Variants in SYCP1 observed in about 807,000 individuals in gnomAD.
SYCP1 encodes cancer/testis antigen 8.
A neutral mutation model predicts 153.1 loss-of-function variants in SYCP1; 64 were observed. The ratio of observed to expected loss-of-function variants is 0.42; its 90% CI spans 0.34 to 0.51. The LOEUF is 0.51. SYCP1 is among the 20% of genes least tolerant of loss of function. The probability of loss-of-function intolerance (pLI) is 0.06; values close to 1 mark genes in which losing one functional copy is unlikely to be tolerated. For synonymous variants in SYCP1, 384 were observed against 341.8 expected (o/e 1.12, Z -1.36); for missense variants, 997 against 1,049.0 (o/e 0.95, Z 0.68).
intron 27 of SYCP1, among the ~76,000 whole-genome samples, chr1:114,964,090 C>A (rs1671951329): frequency 6.6e-6 from 1 of 152,062 alleles, no homozygotes; most frequent in Non-Finnish European, 1.5e-5. Flanking sequence ...ATGATATCTT[C>A]TTGTGGTTTT....
intron 27 of SYCP1, among the ~76,000 whole-genome samples, chr1:114,973,323 G>T (rs554292399): frequency 1.3e-5 from 2 of 152,028 alleles, no homozygotes; most frequent in African/African-American, 4.8e-5. Flanking sequence ...TTATGGTTGT[G>T]GTTGTGCTTC....
chr1:114,857,413 T>G, intron 4 of SYCP1, 31 bp from the exon 5 acceptor site: 1 of 1,570,268 alleles, frequency 6.4e-7, no homozygotes, highest in Non-Finnish European at 8.7e-7. Flanking sequence ...TTATCAGAAG[T>G]ATTTTCTTAT....
At chr1:114,970,078 C>G (rs1672381831) in intron 27 of SYCP1, among the ~76,000 whole-genome samples, 1 of 152,204 alleles carries the variant, frequency 6.6e-6, no homozygotes, top group Non-Finnish European at 1.5e-5. Flanking sequence ...CAGACCAGAT[C>G]TGTTCTATTT....
At chr1:114,891,522 G>A (rs567602678) in intron 15 of SYCP1, among the ~76,000 whole-genome samples, 1 of 152,190 alleles carries the variant, frequency 6.6e-6, no homozygotes, top group Admixed American at 6.5e-5. Context: ...CATACCAAGT[G>A]AGTTGAAGTC....
At chr1:114,977,766 T>A in intron 28 of SYCP1, 150 bp downstream of exon 28, 1 of 520,722 alleles carries the variant, frequency 1.9e-6, no homozygotes, top group Non-Finnish European at 3.1e-6. Flanking sequence ...ATTTATTAAT[T>A]CAAAAGCATT....
chr1:114,931,965 GAA>G (rs1326394670), intron 23 of SYCP1, among the ~76,000 whole-genome samples: 5 of 152,082 alleles, frequency 3.3e-5, no homozygotes, highest in African/African-American at 1.2e-4. Context: ...GGAGAGAAAT[GAA>G]AGTCTTTCAA....
At chr1:114,954,033 A>G (rs1018210177) in intron 27 of SYCP1, among the ~76,000 whole-genome samples, 14 of 151,614 alleles carry the variant, frequency 9.2e-5, no homozygotes, top group African/African-American at 3.1e-4. Context: ...ATTTCCTTTC[A>G]TGCAATTGAA....
At chr1:114,856,937 A>C (rs1470919345) in intron 3 of SYCP1, among the ~76,000 whole-genome samples, 1 of 146,942 alleles carries the variant, frequency 6.8e-6, no homozygotes, top group Non-Finnish European at 1.5e-5. Context: ...AAAAAAAAAA[A>C]AAAAAAAACC....
chr1:114,922,183 G>A (rs1668937209), intron 20 of SYCP1, among the ~76,000 whole-genome samples: 1 of 152,020 alleles, frequency 6.6e-6, no homozygotes, highest in Admixed American at 6.6e-5. Flanking sequence ...TCTAGGTTGG[G>A]AAGTTCTCTG....
chr1:114,989,439 A>G (rs1673767646), intron 30 of SYCP1, among the ~76,000 whole-genome samples: 1 of 152,104 alleles, frequency 6.6e-6, no homozygotes, highest in East Asian at 1.9e-4. Context: ...ACAAAACCCT[A>G]TAATAATGGA....
At chr1:114,937,100 G>A (rs1476983915) in intron 23 of SYCP1, among the ~76,000 whole-genome samples, 10 of 152,132 alleles carry the variant, frequency 6.6e-5, no homozygotes, top group Middle Eastern at 3.4e-3. Context: ...AATTCTAAGC[G>A]AAAAGAACAA....
At chr1:114,984,944 AT>A in intron 30 of SYCP1, 76 bp downstream of exon 30, 1 of 733,850 alleles carries the variant, frequency 1.4e-6, no homozygotes, top group Non-Finnish European at 1.9e-6. Context: ...ATATACATGT[AT>A]AATATATTTA....
intron 27 of SYCP1, among the ~76,000 whole-genome samples, chr1:114,964,544 A>AT: frequency 6.6e-6 from 1 of 152,028 alleles, no homozygotes; most frequent in African/African-American, 2.4e-5. Context: ...TCTTGAGTTA[A>AT]TTTTTGTATA....
At chr1:114,931,360 C>T (rs1004538218) in intron 23 of SYCP1, among the ~76,000 whole-genome samples, 2 of 152,032 alleles carry the variant, frequency 1.3e-5, no homozygotes, top group Non-Finnish European at 2.9e-5. Flanking sequence ...AAAGTCACTA[C>T]AAGATTAGTA....
chr1:114,977,628 T>C lies in SYCP1; in HGVS notation c.2382+12T>C. 6.9e-7 allele frequency: 1 copy of C among 1,458,512 alleles called. No individual in the cohort carries two copies. The highest frequency in any genetic ancestry group is 9.2e-7 in the Non-Finnish European group (1 of 1,084,998). 90.3% of individuals were successfully genotyped at this position (1,458,512 alleles called of 1,614,324 possible). A position where few individuals can be genotyped will look rare whatever the true frequency, so the allele number is the denominator to read the frequency against. ...AAAAAAAAGACAAGGTAAGAGCATA[T>C]AATTCTCATAGTTTTAAAATACCAA... is the stretch of plus-strand genomic sequence containing the variant. On this transcript the variant is annotated intron_variant, in intron 28 of 31. Coordinates refer to ENST00000369522, the MANE Select transcript of SYCP1 (RefSeq NM_003176.4).
intron 27 of SYCP1, among the ~76,000 whole-genome samples, chr1:114,971,077 G>A (rs982627111): frequency 3.9e-5 from 6 of 152,192 alleles, no homozygotes; most frequent in Admixed American, 2.6e-4. Flanking sequence ...GAGCAACATC[G>A]ATGGTAGTGT....
chr1:114,934,634 G>C (rs1284406705), intron 23 of SYCP1, among the ~76,000 whole-genome samples: 3 of 152,106 alleles, frequency 2.0e-5, no homozygotes, highest in Non-Finnish European at 4.4e-5. Context: ...AAAGAGTCAA[G>C]ACCCATCAGT....
At chr1:114,901,306 A>G (rs1039756759) in intron 16 of SYCP1, among the ~76,000 whole-genome samples, 2 of 152,214 alleles carry the variant, frequency 1.3e-5, no homozygotes, top group East Asian at 3.9e-4. Context: ...AGGAAAACAT[A>G]AAGGCCTTAT....
chr1:114,973,087 A>G (rs1672592898), intron 27 of SYCP1, among the ~76,000 whole-genome samples: 1 of 152,046 alleles, frequency 6.6e-6, no homozygotes. Context: ...AGCTCTTGTT[A>G]TGTCACTTGC....
Sources: allele counts gnomAD v4.1 joint callset (sites outside exome capture counted in the v4.1 genomes callset), GRCh38; gene constraint gnomAD v4.1.1; transcripts MANE v1.5; gene names NCBI Gene and HGNC (gene_info 2026-07-23, HGNC 2026-07-21).